SGCD: variants seen among roughly 807,000 people sequenced by gnomAD.
SGCD encodes the protein sarcoglycan delta.
In SGCD, 18 loss-of-function variants were observed where a neutral mutation model predicts 36.6. The observed-to-expected ratio is 0.49, with a 90% CI of 0.34 to 0.73. The LOEUF (loss-of-function observed/expected upper bound fraction) is 0.73. SGCD is among the 30% of genes least tolerant of loss of function. The probability of loss-of-function intolerance (pLI) is 0.01; values close to 1 mark genes in which losing one functional copy is unlikely to be tolerated. For missense variants in SGCD, 387 were observed against 346.7 expected, an observed-to-expected ratio of 1.12 and a Z score of -0.92; for synonymous variants, 133 against 130.6, an observed-to-expected ratio of 1.02 and a Z score of -0.12.
chr5:156,401,992 G>A lies in SGCD; in HGVS notation c.192+57315G>A, dbSNP rs768096113. Among the ~76,000 whole-genome samples the A allele has an allele frequency of 5.8e-4, 89 of 152,174 alleles. 1 individual carries two copies. The highest frequency in any genetic ancestry group is 2.3e-3 in the South Asian group (11 of 4,820). ...GTTGTATGGGTTTGACTACTCTGCC[G>A]ACCTCATTTGAGTGAAATCATGCAG... On this transcript the variant is annotated intron_variant, in intron 3 of 8. Coordinates refer to ENST00000337851, the MANE Select transcript of SGCD (RefSeq NM_000337.6).
chr5:156,239,399 CAAA>C (rs34839655), intron 3 of SGCD, among the ~76,000 whole-genome samples: 50 of 72,622 alleles, frequency 6.9e-4, no homozygotes, highest in African/African-American at 2.7e-3. Context: ...GATTTCATCT[CAAA>C]AAAAAAAAAA....
chr5:155,736,042 AC>A, the SGCD span, among the ~76,000 whole-genome samples: 3 of 152,046 alleles, frequency 2.0e-5, no homozygotes, highest in African/African-American at 7.3e-5. Flanking sequence ...CCTTCTTTCT[AC>A]CCCTGGGATG....
chr5:156,724,708 TGCTAG>T (rs1581471552), intron 7 of SGCD, among the ~76,000 whole-genome samples: 1 of 152,214 alleles, frequency 6.6e-6, no homozygotes, highest in African/African-American at 2.4e-5. Context: ...GAGTTAATTG[TGCTAG>T]AGTTTCAGAA....
chr5:156,299,280 T>G (rs1361639649), intron 3 of SGCD, among the ~76,000 whole-genome samples: 1 of 152,190 alleles, frequency 6.6e-6, no homozygotes, highest in Non-Finnish European at 1.5e-5. Flanking sequence ...GGGTCCTATG[T>G]GCTATTCCAC....
At chr5:155,733,175 A>T in the SGCD span, among the ~76,000 whole-genome samples, 1 of 152,184 alleles carries the variant, frequency 6.6e-6, no homozygotes, top group African/African-American at 2.4e-5. Flanking sequence ...TGTCAAGTTC[A>T]GTGTCCCAAT....
intron 7 of SGCD, among the ~76,000 whole-genome samples, chr5:156,738,356 C>T (rs951917624): frequency 2.0e-5 from 3 of 152,134 alleles, no homozygotes; most frequent in African/African-American, 7.2e-5. Flanking sequence ...ATGCAGTCAC[C>T]TTGGAAACCT....
chr5:156,333,614 T>A (rs2127705949), intron 2 of SGCD, among the ~76,000 whole-genome samples: 1 of 152,096 alleles, frequency 6.6e-6, no homozygotes, highest in South Asian at 2.1e-4. Context: ...TGGGGTAGAT[T>A]ACTTAACCAC....
At chr5:156,558,915 T>C (rs959381813) in intron 4 of SGCD, among the ~76,000 whole-genome samples, 3 of 152,182 alleles carry the variant, frequency 2.0e-5, no homozygotes, top group South Asian at 2.1e-4. Flanking sequence ...TCTATACTCA[T>C]TGATCTTCAG....
chr5:156,381,567 T>G (rs1182076340), intron 3 of SGCD, among the ~76,000 whole-genome samples: 1 of 139,834 alleles, frequency 7.2e-6, no homozygotes, highest in East Asian at 2.2e-4. Flanking sequence ...AATGTCCTCA[T>G]GTAAACATAC....
intron 7 of SGCD, among the ~76,000 whole-genome samples, chr5:156,699,116 T>C (rs73302837): frequency 0.026 from 4,009 of 152,276 alleles, 176 homozygotes; most frequent in African/African-American, 0.091. Context: ...TTCTGAACAC[T>C]TTCTTAGTGA....
chr5:156,379,841 C>G (rs757950514), intron 3 of SGCD, among the ~76,000 whole-genome samples: 39 of 152,114 alleles, frequency 2.6e-4, no homozygotes, highest in Admixed American at 7.2e-4. Context: ...CAGGATAACA[C>G]CAGTCTTTTG....
the SGCD span, among the ~76,000 whole-genome samples, chr5:155,797,816 G>C: frequency 6.6e-6 from 1 of 152,146 alleles, no homozygotes; most frequent in East Asian, 1.9e-4. Context: ...CTTGAGAGAG[G>C]ATAAACCACC....
intron 3 of SGCD, among the ~76,000 whole-genome samples, chr5:156,158,378 C>T (rs940002033): frequency 2.6e-5 from 4 of 151,654 alleles, no homozygotes; most frequent in South Asian, 4.1e-4. Flanking sequence ...TTCCATTTTA[C>T]CGGTTAAGAA....
chr5:156,700,008 A>G (rs532005513), intron 7 of SGCD, among the ~76,000 whole-genome samples: 2 of 152,298 alleles, frequency 1.3e-5, no homozygotes, highest in African/African-American at 2.4e-5. Flanking sequence ...GAAGGCATGA[A>G]GAAAGAAGTC....
At chr5:156,587,103 CCTTTA>C (rs1377243147) in intron 4 of SGCD, among the ~76,000 whole-genome samples, 2 of 152,118 alleles carry the variant, frequency 1.3e-5, no homozygotes, top group South Asian at 2.1e-4. Context: ...ACACTCTGAA[CCTTTA>C]CTTTACAAGG....
At chr5:156,168,276 T>A (rs2127620958) in intron 3 of SGCD, among the ~76,000 whole-genome samples, 1 of 152,332 alleles carries the variant, frequency 6.6e-6, no homozygotes. Context: ...ACTAGAATGT[T>A]CGTTAACTCA....
chr5:156,403,460 C>T (rs1772256295), intron 3 of SGCD, among the ~76,000 whole-genome samples: 1 of 152,206 alleles, frequency 6.6e-6, no homozygotes, highest in African/African-American at 2.4e-5. Flanking sequence ...ATTTAACCTC[C>T]ACAATTCCTC....
intron 6 of SGCD, among the ~76,000 whole-genome samples, chr5:156,611,802 AC>A (rs1208072282): frequency 6.6e-6 from 1 of 152,146 alleles, no homozygotes; most frequent in Non-Finnish European, 1.5e-5. Flanking sequence ...ATCTGACTGG[AC>A]TATTTCAAAA....
chr5:156,381,965 G>T (rs1262671451), intron 3 of SGCD, among the ~76,000 whole-genome samples: 1 of 152,148 alleles, frequency 6.6e-6, no homozygotes, highest in African/African-American at 2.4e-5. Context: ...CACATAGTAA[G>T]TGGTCAATGT....
Sources: allele counts gnomAD v4.1 joint callset (sites outside exome capture counted in the v4.1 genomes callset), GRCh38; gene constraint gnomAD v4.1.1; transcripts MANE v1.5; gene names NCBI Gene and HGNC (gene_info 2026-07-23, HGNC 2026-07-21).